Variants in GLTP observed in about 807,000 individuals in gnomAD.
GLTP encodes glycolipid transfer protein.
Under a neutral mutation model 24.0 loss-of-function variants are expected in GLTP, and 22 were observed. The observed-to-expected ratio is 0.92, with a 90% CI of 0.65 to 1.31. The LOEUF is 1.31. GLTP is among the 50% of genes most tolerant of loss of function. The pLI, the probability that GLTP is intolerant of heterozygous loss-of-function variation, is 0.00. For missense variants in GLTP, 224 were observed against 276.6 expected (o/e 0.81, Z 1.35); for synonymous variants, 92 against 115.9 (o/e 0.79, Z 1.33).
Position 109,880,347 on chromosome 12 carries a change from T to A in GLTP, c.28A>T (p.Lys10Ter), listed in dbSNP as rs1182080159. 6.3e-7 allele frequency: 1 copy of A among 1,583,786 alleles called. No individual in the cohort carries two copies. The highest frequency in any genetic ancestry group is 2.4e-5 in the East Asian group (1 of 42,078). The part of the protein sequence containing the change: MALLAEHLL[K>*]PLPADKQIET... ...ATCTGCTTGTCCGCGGGCAGCGGCT[T>A]CAGCAAGTGTTCGGCCAGCAGCGCC... Residue 10 changes from lysine (K) to a stop codon, truncating the protein, a stop_gained, in exon 1 of 5, where the codon AAG (lysine) becomes TAG (stop). Coordinates refer to ENST00000318348, the MANE Select transcript of GLTP (RefSeq NM_016433.4). LOFTEE classifies it high-confidence loss of function. The surrounding 1 kb of genome is among the most constrained non-coding windows in gnomAD (Gnocchi z 5.1).
In GLTP at chr12:109,880,241, C is replaced by T; in HGVS notation, c.103+31G>A. On this transcript the variant is annotated intron_variant, in intron 1 of 4. Transcript: ENST00000318348. The surrounding 1 kb of genome is among the most constrained non-coding windows in gnomAD (Gnocchi z 5.1). The stretch of plus-strand genomic sequence containing the variant: ...GAGGATTCGGGTGCGCGTGGGGCTG[C>T]GGGCCGCCTCCCCCCTCCATTCCGG... 4 of 1,346,490 alleles carry T rather than the reference C, an allele frequency of 3.0e-6. No individual in the cohort carries two copies. The highest frequency in any genetic ancestry group is 4.2e-6 in the Non-Finnish European group (4 of 953,876). 83.4% of individuals were successfully genotyped at this position (1,346,490 alleles called of 1,614,324 possible).
intron 1 of GLTP, among the ~76,000 whole-genome samples, chr12:109,879,483 CACACG>C (rs1418205542): frequency 2.0e-5 from 3 of 152,156 alleles, no homozygotes; most frequent in Non-Finnish European, 2.9e-5. Context: ...CAGGAACTTC[CACACG>C]ACATACAGGG....
rs769306524 is a variant in GLTP, at chr12:109,852,644, G to A, written c.541C>T (p.Arg181Cys). ...VTEEECLEKI[R>C]LFLVNYTATI... is the part of the protein sequence containing the mutation. ...GCCGTGTAGTTGACTAGGAAGAGGC[G>A]GATCTTCTCCAGGCACTCCTCCTCC... Residue 181 changes from arginine (R) to cysteine (C), a missense_variant, in exon 5 of 5, where the codon CGC becomes TGC. Transcript: ENST00000318348. 21 of 1,603,902 alleles carry A rather than the reference G, an allele frequency of 1.3e-5. No individual in the cohort carries two copies. The highest frequency in any genetic ancestry group is 5.0e-5 in the Admixed American group (3 of 59,982).
chr12:109,855,751 C>G lies in GLTP; in HGVS notation c.315G>C (p.Gln105His). The change falls in exon 4 of 5, where the codon CAG (glutamine) becomes CAC (histidine). Residue 105 changes from glutamine to histidine, a missense_variant. By Grantham distance (24) the Gln-to-His change is conservative (BLOSUM62 0). Coordinates refer to ENST00000318348, the MANE Select transcript of GLTP (RefSeq NM_016433.4). This position sits in a 1 kb window ranked among gnomAD's most constrained non-coding sequence, Gnocchi z 4.1. Reference protein sequence around the residue: ...MWLKRGLRFIQVFLQSICDGE... With the variant: ...MWLKRGLRFIHVFLQSICDGE... ...CGTCGCAGATGCTCTGGAGGAAGAC[C>G]TGGATGAAGCGGAGGCCTCTGTGGC... 1.2e-6 allele frequency: 2 copies of G among 1,603,194 alleles called. No homozygotes were observed. The highest frequency in any genetic ancestry group is 1.1e-5 in the South Asian group (1 of 89,706).
At chr12:109,854,898 C>T (rs911238523) in intron 4 of GLTP, among the ~76,000 whole-genome samples, 1 of 152,240 alleles carries the variant, frequency 6.6e-6, no homozygotes, top group Non-Finnish European at 1.5e-5. Flanking sequence ...CCCACAGGAA[C>T]ACTGTACAGG....
intron 1 of GLTP, among the ~76,000 whole-genome samples, chr12:109,864,201 C>G (rs1465779721): frequency 6.6e-6 from 1 of 152,146 alleles, no homozygotes; most frequent in African/African-American, 2.4e-5. Context: ...GAGGCAGGGG[C>G]TGGGAACAAG....
Position 109,857,474 on chromosome 12 carries a change from C to T in GLTP, c.296+52G>A. On this transcript the variant is annotated intron_variant, in intron 3 of 4. Coordinates refer to ENST00000318348, the MANE Select transcript of GLTP (RefSeq NM_016433.4). This position sits in a 1 kb window ranked among gnomAD's most constrained non-coding sequence, Gnocchi z 4.3. ...ACACTGCGGAACAGTGACAGGTTTG[C>T]TTTCCCTCCTCTGCAGCACAGAGCC... The T allele has an allele frequency of 6.5e-7, 1 of 1,542,310 alleles. No homozygotes were observed. Among genetic ancestry groups the T allele is most frequent in the Non-Finnish European group, 8.9e-7 (1 of 1,119,090 alleles).
At chr12:109,853,509 TAA>T (rs1360101077) in intron 4 of GLTP, among the ~76,000 whole-genome samples, 2 of 150,768 alleles carry the variant, frequency 1.3e-5, no homozygotes, top group African/African-American at 4.9e-5. Context: ...GCCAATATGA[TAA>T]AACTCCATCT....
chr12:109,866,411 G>A (rs1156246688), intron 1 of GLTP: 1 of 152,286 alleles, frequency 6.6e-6, no homozygotes, highest in Non-Finnish European at 1.5e-5. Context: ...CACCCAATCA[G>A]TGTAGCACAC....
At chr12:109,856,468 G>T (rs1892797536) in intron 3 of GLTP, among the ~76,000 whole-genome samples, 1 of 152,120 alleles carries the variant, frequency 6.6e-6, no homozygotes, top group Non-Finnish European at 1.5e-5. Context: ...GGCACAATCA[G>T]CCCATTTCAC....
At chr12:109,868,998 C>A (rs1026385624) in intron 1 of GLTP, among the ~76,000 whole-genome samples, 1 of 152,110 alleles carries the variant, frequency 6.6e-6, no homozygotes, top group African/African-American at 2.4e-5. Context: ...CAAAATACTT[C>A]TTTAAAAACT....
chr12:109,860,429 G>T, intron 1 of GLTP: 1 of 208,766 alleles, frequency 4.8e-6, no homozygotes, highest in South Asian at 8.7e-5. Flanking sequence ...ACCTATGTGT[G>T]TTTTTAAAGA....
At chr12:109,876,213 T>C (rs1262130463) in intron 1 of GLTP, among the ~76,000 whole-genome samples, 1 of 151,972 alleles carries the variant, frequency 6.6e-6, no homozygotes, top group Non-Finnish European at 1.5e-5. Context: ...CATAGAGTCA[T>C]GTGCCTGTAA....
At chr12:109,879,082 G>T (rs1337845615) in intron 1 of GLTP, among the ~76,000 whole-genome samples, 1 of 152,194 alleles carries the variant, frequency 6.6e-6, no homozygotes. Flanking sequence ...GGCTCACGAG[G>T]TGAAGGAGGG....
At chr12:109,871,081 CTTTTTTT>C (rs965998479) in intron 1 of GLTP, among the ~76,000 whole-genome samples, 5 of 114,434 alleles carry the variant, frequency 4.4e-5, no homozygotes, top group Non-Finnish European at 9.0e-5. Flanking sequence ...CATTTCCATT[CTTTTTTT>C]TTTTTTTTTT....
intron 1 of GLTP, among the ~76,000 whole-genome samples, chr12:109,872,354 CG>C (rs138556002): frequency 0.08 from 12,224 of 152,166 alleles, 523 homozygotes; most frequent in Middle Eastern, 0.13. Context: ...GAAGCCACCT[CG>C]GGGCCTCTCA....
chr12:109,857,785 A>G lies in GLTP; in HGVS notation c.163-126T>C. On this transcript the variant is annotated intron_variant, in intron 2 of 4. Coordinates refer to ENST00000318348, the MANE Select transcript of GLTP (RefSeq NM_016433.4). The surrounding 1 kb of genome is among the most constrained non-coding windows in gnomAD (Gnocchi z 4.3). ...TTCCTGCCCTCCAGGAACAGCAGGG[A>G]TAAGACTTGTAACAATAACTATGAC... 2 of 929,724 alleles carry G rather than the reference A, an allele frequency of 2.2e-6. No individual in the cohort carries two copies. Among genetic ancestry groups the G allele is most frequent in the East Asian group, 2.4e-5 (1 of 41,540 alleles). The allele number at this position is 929,724 out of a possible 1,614,324, so 57.6% of individuals were successfully genotyped here.
intron 1 of GLTP, among the ~76,000 whole-genome samples, chr12:109,875,602 C>A (rs981409964): frequency 6.6e-6 from 1 of 152,166 alleles, no homozygotes; most frequent in Non-Finnish European, 1.5e-5. Flanking sequence ...GTCAGTCTTG[C>A]AAACTGATCA....
intron 1 of GLTP, among the ~76,000 whole-genome samples, chr12:109,872,294 G>C (rs1565900483): frequency 6.6e-6 from 1 of 152,216 alleles, no homozygotes; most frequent in Admixed American, 6.5e-5. Flanking sequence ...TAGACCTTTA[G>C]GAAGTGGGCC....
Sources: allele counts gnomAD v4.1 joint callset (sites outside exome capture counted in the v4.1 genomes callset), GRCh38; gene constraint gnomAD v4.1.1; non-coding constraint Gnocchi (gnomAD v3.1); transcripts MANE v1.5; gene names NCBI Gene and HGNC (gene_info 2026-07-23, HGNC 2026-07-21).